Variants in BABAM2 observed in about 807,000 individuals in gnomAD.
BABAM2 encodes BRISC and BRCA1-A complex member 2.
A neutral mutation model predicts 54.7 loss-of-function variants in BABAM2; 31 were observed. The observed-to-expected ratio is 0.57, with a 90% CI of 0.43 to 0.77. BABAM2 has a LOEUF of 0.77. Ranked by LOEUF, BABAM2 falls within the 30% of genes least tolerant of loss-of-function variation. The pLI, the probability that BABAM2 is intolerant of heterozygous loss-of-function variation, is 0.00. For synonymous variants in BABAM2, 167 were observed against 162.9 expected (o/e 1.03, Z -0.19); for missense variants, 364 against 455.8 (o/e 0.80, Z 1.83).
intron 6 of BABAM2, among the ~76,000 whole-genome samples, chr2:28,117,783 G>A (rs779302675): frequency 6.6e-6 from 1 of 152,166 alleles, no homozygotes. Flanking sequence ...TACGGATTGG[G>A]GCCTGGGGGT....
intron 5 of BABAM2, among the ~76,000 whole-genome samples, 198 bp from the exon 6 acceptor site, chr2:28,045,527 C>T (rs1026521940): frequency 1.3e-5 from 2 of 152,086 alleles, no homozygotes; most frequent in Non-Finnish European, 2.9e-5. Flanking sequence ...TCAAATTGTG[C>T]TTTTTAGTAA....
rs189848198 is a variant in BABAM2, at chr2:28,306,735, C to T, written c.1088+8244C>T. ...TTTTTGAGACAGAGTCTCACTCTGT[C>T]GCCCAGATTGGAGTGCAGTGGTGTG... On this transcript the variant is annotated intron_variant, in intron 11 of 11. Transcript: ENST00000379624. 1.6e-3 allele frequency among the ~76,000 whole-genome samples: 246 copies of T among 151,394 alleles called. 2 individuals are homozygous for T. The highest frequency in any genetic ancestry group is 2.5e-3 in the Non-Finnish European group (172 of 67,866).
chr2:28,077,806 A>G (rs935585142), intron 6 of BABAM2, among the ~76,000 whole-genome samples: 1 of 152,176 alleles, frequency 6.6e-6, no homozygotes, highest in Admixed American at 6.6e-5. Flanking sequence ...GAGTGACAAT[A>G]TCTTGGAAAG....
At chr2:27,976,469 C>A (rs975490854) in intron 3 of BABAM2, among the ~76,000 whole-genome samples, 5 of 152,108 alleles carry the variant, frequency 3.3e-5, no homozygotes, top group African/African-American at 9.7e-5. Flanking sequence ...AGGTTACATA[C>A]TGCATGATTC....
intron 6 of BABAM2, among the ~76,000 whole-genome samples, chr2:28,112,178 C>CCTTCCTTCCTTCCTT (rs1298622165): frequency 1.6e-5 from 1 of 62,482 alleles, no homozygotes; most frequent in African/African-American, 7.0e-5. Flanking sequence ...TCCCTCCCTC[C>CCTTCCTTCCTTCCTT]CTCCCTCCCT....
intron 10 of BABAM2, among the ~76,000 whole-genome samples, chr2:28,248,207 C>CTTTTTTTTTT (rs780563394): frequency 1.8e-5 from 1 of 54,304 alleles, no homozygotes; most frequent in African/African-American, 6.7e-5. Context: ...TTTTCTTTTT[C>CTTTTTTTTTT]TTTTTTTTTT....
intron 3 of BABAM2, among the ~76,000 whole-genome samples, chr2:27,945,766 T>C (rs1391767517): frequency 6.6e-6 from 1 of 152,038 alleles, no homozygotes; most frequent in Non-Finnish European, 1.5e-5. Flanking sequence ...TCTAAATATA[T>C]CATACTTTCT....
chr2:27,891,557 G>T (rs1664844874), intron 1 of BABAM2, among the ~76,000 whole-genome samples: 1 of 152,098 alleles, frequency 6.6e-6, no homozygotes, highest in Admixed American at 6.5e-5. Context: ...TGTATATCTG[G>T]GGTGTATTAT....
At chr2:27,985,982 G>A (rs186209506) in intron 3 of BABAM2, among the ~76,000 whole-genome samples, 9 of 152,248 alleles carry the variant, frequency 5.9e-5, no homozygotes, top group African/African-American at 1.9e-4. Flanking sequence ...TATTAGGGTA[G>A]GCTTCATACA....
intron 2 of BABAM2, among the ~76,000 whole-genome samples, chr2:27,901,042 CAAAAAAAA>C (rs553293287): frequency 2.4e-5 from 2 of 83,618 alleles, no homozygotes; most frequent in Admixed American, 1.3e-4. Flanking sequence ...GACTCTGTCT[CAAAAAAAA>C]AAAAAAAAAA....
intron 4 of BABAM2, among the ~76,000 whole-genome samples, chr2:28,013,664 G>GT (rs1674569693): frequency 4.0e-5 from 1 of 25,048 alleles, no homozygotes; most frequent in Non-Finnish European, 8.1e-5. Context: ...TGTCCAGCAA[G>GT]TAAAAAAAAA....
At chr2:28,268,579 A>T (rs559497693) in intron 10 of BABAM2, among the ~76,000 whole-genome samples, 1 of 152,344 alleles carries the variant, frequency 6.6e-6, no homozygotes, top group Non-Finnish European at 1.5e-5. Context: ...GTAGTAATAA[A>T]GATAAGTCTT....
chr2:28,122,520 A>G (rs1394774834), intron 6 of BABAM2, among the ~76,000 whole-genome samples: 1 of 152,152 alleles, frequency 6.6e-6, no homozygotes, highest in Non-Finnish European at 1.5e-5. Flanking sequence ...TTATAACTTT[A>G]TTGTAAGCCT....
At chr2:28,258,638 G>A (rs1485014077) in intron 10 of BABAM2, among the ~76,000 whole-genome samples, 1 of 5,604 alleles carries the variant, frequency 1.8e-4, no homozygotes, top group Admixed American at 3.2e-3. Flanking sequence ...TTTTGAGACA[G>A]GATGTTGCTC....
At chr2:27,956,727 A>G (rs868071793) in intron 3 of BABAM2, among the ~76,000 whole-genome samples, 50 of 152,318 alleles carry the variant, frequency 3.3e-4, no homozygotes, top group Admixed American at 7.8e-4. Flanking sequence ...TATGAAGGTT[A>G]TATAGAGCAG....
chr2:28,298,220 C>A, intron 10 of BABAM2, 118 bp from the exon 11 acceptor site: 1 of 1,058,620 alleles, frequency 9.4e-7, no homozygotes, highest in Non-Finnish European at 1.4e-6. Flanking sequence ...ATCCAAACTG[C>A]AAGCAGTATT....
At chr2:27,911,626 G>A (rs1046291142) in intron 2 of BABAM2, among the ~76,000 whole-genome samples, 1 of 152,060 alleles carries the variant, frequency 6.6e-6, no homozygotes, top group Non-Finnish European at 1.5e-5. Context: ...GGACTTCAAG[G>A]TATCATTACT....
chr2:28,313,425 C>T (rs1689250862), intron 11 of BABAM2, among the ~76,000 whole-genome samples: 1 of 152,220 alleles, frequency 6.6e-6, no homozygotes, highest in South Asian at 2.1e-4. Context: ...ACCTCTGGCA[C>T]TTAGTCATGC....
intron 5 of BABAM2, among the ~76,000 whole-genome samples, chr2:28,029,333 T>C (rs1676126034): frequency 6.6e-6 from 1 of 152,202 alleles, no homozygotes; most frequent in South Asian, 2.1e-4. Flanking sequence ...TTTTTCATCT[T>C]GCAAAGGAAG....
Sources: allele counts gnomAD v4.1 joint callset (sites outside exome capture counted in the v4.1 genomes callset), GRCh38; gene constraint gnomAD v4.1.1; transcripts MANE v1.5; gene names NCBI Gene and HGNC (gene_info 2026-07-23, HGNC 2026-07-21).